KLF17: variants seen among roughly 807,000 people sequenced by gnomAD.
KLF17 encodes the protein KLF transcription factor 17.
Under a neutral mutation model 34.2 loss-of-function variants are expected in KLF17, and 31 were observed. The ratio of observed to expected loss-of-function variants is 0.91; its 90% CI spans 0.68 to 1.22. The LOEUF is 1.22. Among genes scored for constraint, KLF17 ranks in the 50% most tolerant of loss-of-function variants. KLF17 has a pLI of 0.00. For missense variants in KLF17, 478 were observed against 505.2 expected (o/e 0.95, Z 0.52); for synonymous variants, 179 against 186.7 (o/e 0.96, Z 0.34).
At chr1:44,098,562 TTTTTC>T in the KLF17 span, among the ~76,000 whole-genome samples, 1 of 126,336 alleles carries the variant, frequency 7.9e-6, no homozygotes, top group Non-Finnish European at 1.8e-5. Context: ...TTTTTTTTTT[TTTTTC>T]TGAGACTGAG....
the KLF17 span, among the ~76,000 whole-genome samples, chr1:44,105,937 G>A: frequency 6.6e-6 from 1 of 152,160 alleles, no homozygotes; most frequent in South Asian, 2.1e-4. Flanking sequence ...GCTGGGGTGG[G>A]AGGATTGCTT....
At chr1:44,074,448 T>C in the KLF17 span, among the ~76,000 whole-genome samples, 12,440 of 152,180 alleles carry the variant, frequency 0.082, 507 homozygotes, top group African/African-American at 0.1. Context: ...CCTTTGTCAT[T>C]GACAAGAGAT....
At position 44,129,739 on chromosome 1, in the gene KLF17, T is replaced by TGGGC; in HGVS notation, c.469_472dup (p.Leu158ArgfsTer32). 6.2e-7 allele frequency: 1 copy of TGGGC among 1,614,116 alleles called. No individual in the cohort carries two copies. Among genetic ancestry groups the TGGGC allele is most frequent in the Non-Finnish European group, 8.5e-7 (1 of 1,180,006 alleles). ...GTGGGAATCTAAGGATGCCCCCCAA[T>TGGGC]GGGCTGCCAGTCTCGGCTTCCACTG... On this transcript the variant is annotated frameshift_variant, in exon 2 of 4. Coordinates refer to ENST00000372299, the MANE Select transcript of KLF17 (RefSeq NM_173484.4). LOFTEE classifies it high-confidence loss of function.
chr1:44,092,501 G>T, the KLF17 span, among the ~76,000 whole-genome samples: 6 of 152,128 alleles, frequency 3.9e-5, no homozygotes, highest in Non-Finnish European at 7.4e-5. Flanking sequence ...TTCAAGTGAT[G>T]AACATTTCTA....
the KLF17 span, among the ~76,000 whole-genome samples, chr1:44,102,610 A>G: frequency 1.9e-4 from 23 of 122,288 alleles, 1 homozygote; most frequent in African/African-American, 5.3e-4. Flanking sequence ...ACACACACAC[A>G]CACAGAAAAG....
chr1:44,109,160 A>T, the KLF17 span, among the ~76,000 whole-genome samples: 1 of 152,192 alleles, frequency 6.6e-6, no homozygotes, highest in Non-Finnish European at 1.5e-5. Context: ...CCTGTAAATG[A>T]GAAAAGCCTT....
chr1:44,046,376 C>T, the KLF17 span, among the ~76,000 whole-genome samples: 1 of 151,846 alleles, frequency 6.6e-6, no homozygotes, highest in Non-Finnish European at 1.5e-5. Context: ...TGCCACTACG[C>T]CTGGCTAATT....
intron 3 of KLF17, among the ~76,000 whole-genome samples, chr1:44,132,697 G>A (rs1438641194): frequency 6.7e-6 from 1 of 149,018 alleles, no homozygotes; most frequent in Non-Finnish European, 1.5e-5. Flanking sequence ...GCCTGGGGCA[G>A]ATAAAGATGA....
the KLF17 span, among the ~76,000 whole-genome samples, chr1:44,068,797 C>T: frequency 1.3e-5 from 2 of 152,222 alleles, no homozygotes; most frequent in Non-Finnish European, 2.9e-5. Context: ...ACTCAACACA[C>T]TTCCTCATTC....
the KLF17 span, among the ~76,000 whole-genome samples, chr1:44,077,992 G>T: frequency 1.3e-5 from 2 of 152,242 alleles, no homozygotes; most frequent in South Asian, 2.1e-4. Flanking sequence ...ATATTTTCTG[G>T]ATACTAGTCC....
At chr1:44,109,866 C>G in the KLF17 span, among the ~76,000 whole-genome samples, 1 of 151,582 alleles carries the variant, frequency 6.6e-6, no homozygotes, top group East Asian at 1.9e-4. Flanking sequence ...TAATATGACC[C>G]CCACAGCCAT....
the KLF17 span, among the ~76,000 whole-genome samples, chr1:44,092,024 T>G: frequency 8.1e-6 from 1 of 123,138 alleles, no homozygotes; most frequent in Non-Finnish European, 1.7e-5. Flanking sequence ...TAAAAAGAAC[T>G]ACTGCATTAA....
the KLF17 span, chr1:44,103,466 G>T: frequency 5.8e-6 from 5 of 863,136 alleles, no homozygotes; most frequent in Non-Finnish European, 9.8e-6. Context: ...GACCGTAGCT[G>T]AGGCCGGGGC....
the KLF17 span, chr1:44,087,950 G>C: frequency 4.8e-6 from 1 of 208,438 alleles, no homozygotes; most frequent in Admixed American, 4.3e-5. Flanking sequence ...TGATCTCCAT[G>C]GAGCTTCACA....
chr1:44,118,883 A>T lies in KLF17; in HGVS notation c.-25A>T. ...GGCTGGTTCCCTGTCTCTTCAGTAG[A>T]GAGTCTAGACCCCACCCAGTCTTCA... is the stretch of plus-strand genomic sequence containing the variant. On this transcript the variant is annotated 5_prime_UTR_variant, in exon 1 of 4. Transcript: ENST00000372299. The T allele has an allele frequency of 6.3e-7, 1 of 1,587,416 alleles. No homozygotes were observed. Among genetic ancestry groups the T allele is most frequent in the Admixed American group, 1.8e-5 (1 of 57,072 alleles).
At chr1:44,097,607 T>TA in the KLF17 span, among the ~76,000 whole-genome samples, 49,086 of 151,394 alleles carry the variant, frequency 0.32, 8,091 homozygotes, top group South Asian at 0.38. Flanking sequence ...AGAATGAAAT[T>TA]AAAAAAAAAT....
chr1:44,091,091 A>G, the KLF17 span, among the ~76,000 whole-genome samples: 3 of 152,200 alleles, frequency 2.0e-5, no homozygotes, highest in African/African-American at 7.2e-5. Context: ...ATCAACATTT[A>G]CTATATTCAA....
chr1:44,054,656 T>C, the KLF17 span, among the ~76,000 whole-genome samples: 2 of 151,044 alleles, frequency 1.3e-5, no homozygotes, highest in East Asian at 3.9e-4. Context: ...AATTTTTTTG[T>C]ATTTTTAATA....
At chr1:44,104,552 A>C in the KLF17 span, 4 of 681,656 alleles carry the variant, frequency 5.9e-6, no homozygotes, top group African/African-American at 7.1e-5. Context: ...AAGGGGGCTC[A>C]GCAGACTCTG....
Sources: allele counts gnomAD v4.1 joint callset (sites outside exome capture counted in the v4.1 genomes callset), GRCh38; gene constraint gnomAD v4.1.1; transcripts MANE v1.5; gene names NCBI Gene and HGNC (gene_info 2026-07-23, HGNC 2026-07-21).